The following PUSL1 variants were observed in gnomAD, a reference collection of about 807,000 sequenced individuals.
PUSL1 encodes tRNA pseudouridine synthase-like 1.
A neutral mutation model predicts 30.7 loss-of-function variants in PUSL1; 51 were observed. That is an observed-to-expected ratio of 1.66 (90% CI 1.33 to 2.10). The LOEUF (loss-of-function observed/expected upper bound fraction) is 2.10. Ranked by LOEUF, PUSL1 falls within the 30% of genes most tolerant of loss-of-function variation. The pLI is 0.00. For synonymous variants in PUSL1, 290 were observed against 192.1 expected, an observed-to-expected ratio of 1.51 and a Z score of -4.21; for missense variants, 609 against 427.6, an observed-to-expected ratio of 1.42 and a Z score of -3.74.
At chr1:1,310,818 C>T in intron 6 of PUSL1, 91 bp from the exon 7 acceptor site, 2 of 1,609,012 alleles carry the variant, frequency 1.2e-6, no homozygotes, top group Admixed American at 1.7e-5. Flanking sequence ...GCTGGTGGGT[C>T]ACGGGCGGCT....
chr1:1,309,358 T>G (rs1308101595), intron 3 of PUSL1, 85 bp downstream of exon 3: 2 of 1,472,174 alleles, frequency 1.4e-6, no homozygotes, highest in African/African-American at 2.8e-5. Context: ...TGGACAGACT[T>G]CCTTGTCTGG....
At position 1,311,392 on chromosome 1, in the gene PUSL1, A is replaced by C; in HGVS notation, c.*13A>C. On this transcript the variant is annotated 3_prime_UTR_variant, in exon 8 of 8. Coordinates refer to ENST00000379031, the MANE Select transcript of PUSL1 (RefSeq NM_153339.3). ...GAGCCACGGATGACCCTGGACACTC[A>C]AGCCAAAGTTAGGCCACACCAGGCC... The C allele has an allele frequency of 6.2e-7, 1 of 1,601,654 alleles. No individual in the cohort carries two copies. Among genetic ancestry groups the C allele is most frequent in the Non-Finnish European group, 8.5e-7 (1 of 1,174,540 alleles).
chr1:1,311,215 G>A (rs1642127079), intron 7 of PUSL1, 115 bp from the exon 8 acceptor site: 4 of 1,402,554 alleles, frequency 2.9e-6, no homozygotes, highest in Admixed American at 5.0e-5. Flanking sequence ...CCTCAGGCCA[G>A]CCCGTAGCCC....
Position 1,308,610 on chromosome 1 carries a change from A to T in PUSL1, c.-34A>T, listed in dbSNP as rs772106973. 1 of 998,600 alleles carries T rather than the reference A, an allele frequency of 1.0e-6. No individual in the cohort carries two copies. Among genetic ancestry groups the T allele is most frequent in the Non-Finnish European group, 1.3e-6 (1 of 762,428 alleles). The allele number at this position is 998,600 out of a possible 1,614,324, so 61.9% of individuals were successfully genotyped here. A position where few individuals can be genotyped will look rare whatever the true frequency, so the allele number is the denominator to read the frequency against. On this transcript the variant is annotated 5_prime_UTR_variant, in exon 1 of 8. Transcript: ENST00000379031. ...CGCGCGCGCAGGATTCCTGCGCTGG[A>T]GGCCGCCTCTGACGCCACCGGCTGG... is the stretch of plus-strand genomic sequence containing the variant.
Position 1,309,666 on chromosome 1 carries a change from C to T in PUSL1, c.474-15C>T, listed in dbSNP as rs1192778904. ...GCCGGCCCCACCCTCCTGACGGTCA[C>T]CCTGGTCCCTGAAGCTGCCTGGATA... On this transcript the variant is annotated splice_polypyrimidine_tract_variant and intron_variant, in intron 4 of 7. Transcript: ENST00000379031. 1.3e-6 allele frequency: 2 copies of T among 1,596,278 alleles called. No homozygotes were observed. Among genetic ancestry groups the T allele is most frequent in the Middle Eastern group, 3.3e-4 (2 of 6,016 alleles).
Position 1,311,345 on chromosome 1 carries a change from CCCTGCAG to C in PUSL1, c.879_885del (p.Leu294GlyfsTer17), listed in dbSNP as rs1557625289. On this transcript the variant is annotated frameshift_variant, in exon 8 of 8. Coordinates refer to ENST00000379031, the MANE Select transcript of PUSL1 (RefSeq NM_153339.3). LOFTEE classifies it low-confidence loss of function (END_TRUNC). Reference sequence around the variant, plus strand: ...CCGTCCACAGGTGCTGCCTCCTGCACCCTGCAGGGGCCACAGTTCGGGAGCCACGGAT... The same window carrying C: ...CCGTCCACAGGTGCTGCCTCCTGCACGGGCCACAGTTCGGGAGCCACGGAT... 1 of 1,590,076 alleles carries C rather than the reference CCCTGCAG, an allele frequency of 6.3e-7. No individual in the cohort carries two copies.
At position 1,308,903 on chromosome 1, in the gene PUSL1, T is replaced by C; in HGVS notation, c.78-12T>C. 2.1e-6 allele frequency: 3 copies of C among 1,413,196 alleles called. No individual in the cohort carries two copies. Among genetic ancestry groups the C allele is most frequent in the Middle Eastern group, 5.2e-4 (2 of 3,840 alleles). The allele number at this position is 1,413,196 out of a possible 1,614,324, so 87.5% of individuals were successfully genotyped here. On this transcript the variant is annotated splice_polypyrimidine_tract_variant and intron_variant, in intron 1 of 7. Coordinates refer to ENST00000379031, the MANE Select transcript of PUSL1 (RefSeq NM_153339.3). ...GGCGCCCCCGGTAACCTCCGCCCGCTTCTGCCCGCAGCGGGGTCGCGGCCG... is the reference window on the plus strand; with the variant it reads ...GGCGCCCCCGGTAACCTCCGCCCGCCTCTGCCCGCAGCGGGGTCGCGGCCG...
chr1:1,310,297 G>A (rs1642052703), intron 5 of PUSL1: 1 of 387,484 alleles, frequency 2.6e-6, no homozygotes, highest in South Asian at 4.0e-5. Context: ...GCAGGTACAG[G>A]ACTGGGGGTC....
Position 1,309,260 on chromosome 1 carries a change from C to T in PUSL1, c.310C>T (p.His104Tyr). Reference protein sequence around the residue: ...LAEALNTHLRHPAIRVLRAFR... With the variant: ...LAEALNTHLRYPAIRVLRAFR... ...CGAGGCCCTCAACACACACCTGCGG[C>T]ACCCGGCCATCAGGTGAGCCCGCGA... Residue 104 changes from histidine to tyrosine, a missense_variant, in exon 3 of 8, where the codon CAC (histidine) becomes TAC (tyrosine). His to Tyr is a moderately conservative substitution (Grantham distance 83, BLOSUM62 2). Coordinates refer to ENST00000379031, the MANE Select transcript of PUSL1 (RefSeq NM_153339.3). The T allele has an allele frequency of 1.3e-6, 2 of 1,487,434 alleles. No homozygotes were observed. Among genetic ancestry groups the T allele is most frequent in the Non-Finnish European group, 1.8e-6 (2 of 1,122,974 alleles). 92.1% of individuals were successfully genotyped at this position (1,487,434 alleles called of 1,614,324 possible).
chr1:1,311,653 A>AGGAAT lies in PUSL1; in HGVS notation c.*275_*279dup. On this transcript the variant is annotated 3_prime_UTR_variant, in exon 8 of 8. Transcript: ENST00000379031. ...CTGTCTAGGACCACCTGCCCTAACC[A>AGGAAT]GGAATAAAGGCAAGACAGCCTGGAG... 1.4e-6 allele frequency: 1 copy of AGGAAT among 711,372 alleles called. No individual in the cohort carries two copies. The highest frequency in any genetic ancestry group is 2.5e-6 in the Non-Finnish European group (1 of 397,072). The allele number at this position is 711,372 out of a possible 1,614,324, so 44.1% of individuals were successfully genotyped here. A position where few individuals can be genotyped will look rare whatever the true frequency, so the allele number is the denominator to read the frequency against.
Position 1,309,240 on chromosome 1 carries a change from C to A in PUSL1, c.290C>A (p.Ala97Asp), listed in dbSNP as rs773348239. The change falls in exon 3 of 8, where the codon GCC (alanine) becomes GAC (aspartate). Residue 97 changes from alanine (A) to aspartate (D), a missense_variant. Ala to Asp is a moderately radical substitution (Grantham distance 126, BLOSUM62 -2). Coordinates refer to ENST00000379031, the MANE Select transcript of PUSL1 (RefSeq NM_153339.3). Reference sequence around the variant, plus strand: ...TTCCCGCCCGAGGTCCTGGCCGAGGCCCTCAACACACACCTGCGGCACCCG... The same window carrying A: ...TTCCCGCCCGAGGTCCTGGCCGAGGACCTCAACACACACCTGCGGCACCCG... Reference protein sequence around the residue: ...PPFPPEVLAEALNTHLRHPAI... With the variant: ...PPFPPEVLAEDLNTHLRHPAI... 6.6e-7 allele frequency: 1 copy of A among 1,508,040 alleles called. No homozygotes were observed. The highest frequency in any genetic ancestry group is 8.8e-7 in the Non-Finnish European group (1 of 1,135,166). The allele number at this position is 1,508,040 out of a possible 1,614,324, so 93.4% of individuals were successfully genotyped here.
chr1:1,308,927 C>T lies in PUSL1; in HGVS notation c.90C>T (p.Ala30=). ...CTTCTGCCCGCAGCGGGGTCGCGGC[C>T]GTCAGGGGCACTCAGCGCGCCGTCG... ...YVGTDFNGVA[A]VRGTQRAVGV... is the part of the protein sequence containing the mutation. Residue 30 remains alanine, a synonymous_variant, in exon 2 of 8, where the codon GCC becomes GCT. Coordinates refer to ENST00000379031, the MANE Select transcript of PUSL1 (RefSeq NM_153339.3). 1 of 1,420,276 alleles carries T rather than the reference C, an allele frequency of 7.0e-7. No homozygotes were observed. The highest frequency in any genetic ancestry group is 1.6e-5 in the South Asian group (1 of 63,754). The allele number at this position is 1,420,276 out of a possible 1,614,324, so 88.0% of individuals were successfully genotyped here.
In PUSL1 at chr1:1,309,562, G is replaced by A. The variant is rs574796043; in HGVS notation, c.432G>A (p.Leu144=). 1.9e-6 allele frequency: 3 copies of A among 1,611,822 alleles called. No homozygotes were observed. The highest frequency in any genetic ancestry group is 2.5e-6 in the Non-Finnish European group (3 of 1,179,720). The part of the protein sequence containing the change: ...LATGCHRRDE[L]PVFERNLCWT... Reference sequence around the variant, plus strand: ...CTGGCTGTCACCGGCGTGATGAGCTGCCGGTGTTTGAACGCAACCTATGCT... The same window carrying A: ...CTGGCTGTCACCGGCGTGATGAGCTACCGGTGTTTGAACGCAACCTATGCT... Residue 144 remains leucine (L), a synonymous_variant, in exon 4 of 8, where the codon CTG becomes CTA. Coordinates refer to ENST00000379031, the MANE Select transcript of PUSL1 (RefSeq NM_153339.3).
intron 5 of PUSL1, 60 bp downstream of exon 5, chr1:1,309,911 A>G: frequency 7.6e-7 from 1 of 1,317,382 alleles, no homozygotes. Context: ...TTTTAGCTCC[A>G]GCACCTCCCC....
chr1:1,308,806 T>A, intron 1 of PUSL1, 86 bp downstream of exon 1: 5 of 1,441,960 alleles, frequency 3.5e-6, no homozygotes, highest in Non-Finnish European at 4.6e-6. Flanking sequence ...CGGATGTCTC[T>A]GGACGCGGGT....
rs201960225 is a variant in PUSL1, at chr1:1,311,114, G to A, written c.862+43G>A. 9.6e-5 allele frequency: 150 copies of A among 1,562,870 alleles called. No homozygotes were observed. In the African/African-American group the frequency reaches 1.9e-3, roughly 20 times the overall value. On this transcript the variant is annotated intron_variant, in intron 7 of 7. Transcript: ENST00000379031. ...GAGAAGCTCCTGTCATGTGCCCAGTGACTACTGTGGCCGAGGCATGGGGTG... is the reference window on the plus strand; with the variant it reads ...GAGAAGCTCCTGTCATGTGCCCAGTAACTACTGTGGCCGAGGCATGGGGTG...
intron 5 of PUSL1, chr1:1,310,079 C>T (rs561377859): frequency 2.5e-5 from 13 of 529,148 alleles, no homozygotes; most frequent in African/African-American, 2.3e-4. Context: ...CTCTGAAAAA[C>T]CCCTGCCATG....
rs746879486 is a variant in PUSL1, at chr1:1,308,665, G to A, written c.22G>A (p.Gly8Ser). MSSAPAS[G>S]SVRARYLVYF... ...CGCCATGAGTTCGGCGCCGGCCTCAGGCTCCGTGCGCGCGCGCTATCTTGT... is the reference window on the plus strand; with the variant it reads ...CGCCATGAGTTCGGCGCCGGCCTCAAGCTCCGTGCGCGCGCGCTATCTTGT... The change falls in exon 1 of 8, where the codon GGC becomes AGC. Residue 8 changes from glycine (G) to serine (S), a missense_variant. Gly to Ser is a moderately conservative substitution (Grantham distance 56). Coordinates refer to ENST00000379031, the MANE Select transcript of PUSL1 (RefSeq NM_153339.3). The A allele has an allele frequency of 2.6e-6, 4 of 1,544,144 alleles. No homozygotes were observed. Among genetic ancestry groups the A allele is most frequent in the Non-Finnish European group, 3.5e-6 (4 of 1,149,554 alleles).
At chr1:1,308,843 C>A in intron 1 of PUSL1, 72 bp from the exon 2 acceptor site, 1 of 1,430,910 alleles carries the variant, frequency 7.0e-7, no homozygotes, top group Non-Finnish European at 9.2e-7. Context: ...AGGAAGCGGC[C>A]CTGGCCTCAG....
Sources: gnomAD v4.1 joint callset for allele counts on GRCh38, gnomAD v4.1.1 for gene constraint, MANE v1.5 for transcripts, NCBI Gene and HGNC (gene_info 2026-07-23, HGNC 2026-07-21) for gene names.